The following NRG3 variants were observed in gnomAD, a reference collection of about 807,000 sequenced individuals.
NRG3 encodes neuregulin 3.
A neutral mutation model predicts 66.9 loss-of-function variants in NRG3; 31 were observed. That is an observed-to-expected ratio of 0.46 (90% CI 0.35 to 0.63). The LOEUF (loss-of-function observed/expected upper bound fraction) is 0.63. Among genes scored for constraint, NRG3 ranks in the 20% least tolerant of loss-of-function variants. NRG3 has a pLI of 0.00. For missense variants in NRG3, 910 were observed against 878.9 expected, an observed-to-expected ratio of 1.04 and a Z score of -0.45; for synonymous variants, 393 against 359.4, an observed-to-expected ratio of 1.09 and a Z score of -1.06.
At chr10:82,807,686 A>G (rs752126195) in intron 3 of NRG3, among the ~76,000 whole-genome samples, 5 of 152,204 alleles carry the variant, frequency 3.3e-5, no homozygotes, top group African/African-American at 1.2e-4. Context: ...TTTATTAATA[A>G]TAAGCTCCCT....
At chr10:82,876,286 T>C (rs944746153) in intron 4 of NRG3, among the ~76,000 whole-genome samples, 1 of 151,756 alleles carries the variant, frequency 6.6e-6, no homozygotes, top group African/African-American at 2.4e-5. Context: ...AGCAAAATCT[T>C]GGGCAGAATT....
chr10:82,771,760 G>A (rs1442984519), intron 3 of NRG3, among the ~76,000 whole-genome samples: 1 of 152,020 alleles, frequency 6.6e-6, no homozygotes, highest in Non-Finnish European at 1.5e-5. Flanking sequence ...ACATCAAATT[G>A]TCCATCTCAA....
At chr10:82,917,361 A>G (rs1220416743) in intron 4 of NRG3, among the ~76,000 whole-genome samples, 1 of 152,168 alleles carries the variant, frequency 6.6e-6, no homozygotes, top group Non-Finnish European at 1.5e-5. Flanking sequence ...AGCCTTCACA[A>G]TGAAGTCACA....
At chr10:81,992,014 C>G (rs1178142498) in intron 1 of NRG3, among the ~76,000 whole-genome samples, 1 of 151,954 alleles carries the variant, frequency 6.6e-6, no homozygotes, top group Non-Finnish European at 1.5e-5. Context: ...GGCTAGGATT[C>G]TCTTATTAGA....
intron 4 of NRG3, among the ~76,000 whole-genome samples, chr10:82,949,401 C>T (rs1171105730): frequency 6.6e-6 from 1 of 151,376 alleles, no homozygotes; most frequent in African/African-American, 2.4e-5. Flanking sequence ...GAATTTGAAT[C>T]GATTGTTTTT....
intron 1 of NRG3, among the ~76,000 whole-genome samples, chr10:82,314,193 T>C (rs867105051): frequency 1.3e-5 from 2 of 152,306 alleles, no homozygotes; most frequent in Non-Finnish European, 2.9e-5. Flanking sequence ...AGGAAGCATT[T>C]TATCCCCTAT....
intron 1 of NRG3, among the ~76,000 whole-genome samples, chr10:82,188,874 T>C (rs2133322699): frequency 6.6e-6 from 1 of 152,122 alleles, no homozygotes; most frequent in Non-Finnish European, 1.5e-5. Context: ...GATAGCACAA[T>C]AGGGTGACTA....
chr10:82,617,313 C>T (rs566564713), intron 2 of NRG3, among the ~76,000 whole-genome samples: 12 of 150,688 alleles, frequency 8.0e-5, no homozygotes, highest in South Asian at 2.1e-4. Context: ...ACCACACACA[C>T]GCACACATAG....
chr10:82,985,537 A>G lies in NRG3; in HGVS notation c.2023A>G (p.Lys675Glu). 1 of 1,614,058 alleles carries G rather than the reference A, an allele frequency of 6.2e-7. No homozygotes were observed. The stretch of plus-strand genomic sequence containing the variant: ...CTTTCTCCCCCTGAGTCCCACAGCC[A>G]AATCAGAACGAGAGGCGCAATTTGT... ...TAFLPLSPTA[K>E]SEREAQFVLR... Residue 675 changes from lysine to glutamate, a missense_variant, in exon 9 of 9, where the codon AAA becomes GAA. Physicochemically the swap from Lys to Glu is moderately conservative, Grantham distance 56. Transcript: ENST00000372141.
At chr10:82,101,793 A>G (rs940941778) in intron 1 of NRG3, among the ~76,000 whole-genome samples, 13 of 151,176 alleles carry the variant, frequency 8.6e-5, no homozygotes, top group African/African-American at 3.2e-4. Flanking sequence ...GAAAATGTCT[A>G]TTACTGTTGG....
intron 1 of NRG3, among the ~76,000 whole-genome samples, chr10:82,207,942 T>C (rs2075206837): frequency 6.6e-6 from 1 of 152,264 alleles, no homozygotes; most frequent in Non-Finnish European, 1.5e-5. Flanking sequence ...CCAAACCATA[T>C]TACTGTGTAA....
At chr10:82,449,947 C>T (rs1048670663) in intron 2 of NRG3, among the ~76,000 whole-genome samples, 10 of 152,198 alleles carry the variant, frequency 6.6e-5, no homozygotes, top group East Asian at 5.8e-4. Context: ...TAACAAGACA[C>T]TAGCCATGGG....
intron 2 of NRG3, among the ~76,000 whole-genome samples, chr10:82,679,486 A>G (rs989592232): frequency 2.0e-5 from 3 of 152,220 alleles, no homozygotes; most frequent in African/African-American, 7.2e-5. Flanking sequence ...TTTCTGTGCC[A>G]GGAACTGTTC....
intron 1 of NRG3, among the ~76,000 whole-genome samples, chr10:82,169,511 T>A (rs1030161669): frequency 7.3e-5 from 11 of 151,664 alleles, no homozygotes; most frequent in African/African-American, 2.2e-4. Flanking sequence ...TTTAATTTTT[T>A]ATTTTTTTAT....
intron 3 of NRG3, among the ~76,000 whole-genome samples, chr10:82,758,761 T>C (rs965259397): frequency 5.3e-5 from 8 of 151,992 alleles, no homozygotes; most frequent in African/African-American, 1.9e-4. Context: ...GGCACTTCTA[T>C]ATCAGCATGA....
At chr10:82,125,361 G>C (rs1723547242) in intron 1 of NRG3, among the ~76,000 whole-genome samples, 1 of 151,902 alleles carries the variant, frequency 6.6e-6, no homozygotes, top group African/African-American at 2.4e-5. Context: ...TTGTTATATT[G>C]CAAAGACATT....
At chr10:82,401,587 A>G (rs2087110451) in intron 2 of NRG3, among the ~76,000 whole-genome samples, 1 of 152,098 alleles carries the variant, frequency 6.6e-6, no homozygotes, top group Admixed American at 6.6e-5. Context: ...GCACCCGGAT[A>G]TAGGACACTT....
intron 2 of NRG3, among the ~76,000 whole-genome samples, chr10:82,545,054 A>G (rs1014879756): frequency 6.6e-6 from 1 of 152,178 alleles, no homozygotes; most frequent in Admixed American, 6.5e-5. Context: ...AATCTATCCC[A>G]TTGCACATAT....
At chr10:82,179,764 C>A (rs1055076802) in intron 1 of NRG3, among the ~76,000 whole-genome samples, 1 of 151,688 alleles carries the variant, frequency 6.6e-6, no homozygotes, top group African/African-American at 2.4e-5. Flanking sequence ...TCTTTTATTT[C>A]TGTAAAGATT....
Sources: gnomAD v4.1 joint callset for allele counts (sites outside exome capture counted in the v4.1 genomes callset) on GRCh38, gnomAD v4.1.1 for gene constraint, MANE v1.5 for transcripts, NCBI Gene and HGNC (gene_info 2026-07-23, HGNC 2026-07-21) for gene names.